The following B3GALT1 variants were observed in gnomAD, a reference collection of about 807,000 sequenced individuals.
B3GALT1 encodes UDP-Gal:betaGlcNAc beta 1,3-galactosyltransferase, polypeptide 1.
B3GALT1 carries 10 observed loss-of-function variants against 23.2 expected under a neutral mutation model. The ratio of observed to expected loss-of-function variants is 0.43; its 90% CI spans 0.27 to 0.73. B3GALT1 has a LOEUF of 0.73. Ranked by LOEUF, B3GALT1 falls within the 30% of genes least tolerant of loss-of-function variation. The pLI, the probability that B3GALT1 is intolerant of heterozygous loss-of-function variation, is 0.21. For synonymous variants in B3GALT1, 156 were observed against 141.5 expected (o/e 1.10, Z -0.73); for missense variants, 299 against 405.4 (o/e 0.74, Z 2.25).
chr2:167,448,565 T>G (rs1574083645), intron 1 of B3GALT1, among the ~76,000 whole-genome samples: 1 of 152,286 alleles, frequency 6.6e-6, no homozygotes, highest in East Asian at 1.9e-4. Flanking sequence ...CTGTGGTTTG[T>G]CTGTTTACTC....
intron 4 of B3GALT1, among the ~76,000 whole-genome samples, chr2:167,845,163 G>C (rs995991093): frequency 1.3e-5 from 2 of 152,046 alleles, no homozygotes; most frequent in Non-Finnish European, 2.9e-5. Context: ...TACCCACCCT[G>C]GTAGCTGAAG....
intron 3 of B3GALT1, among the ~76,000 whole-genome samples, chr2:167,698,737 G>T (rs1285727287): frequency 6.6e-6 from 1 of 152,164 alleles, no homozygotes; most frequent in East Asian, 1.9e-4. Flanking sequence ...AATGTTAGAG[G>T]ATGATTATGC....
At chr2:167,370,589 A>G (rs1219791038) in intron 1 of B3GALT1, among the ~76,000 whole-genome samples, 2 of 152,176 alleles carry the variant, frequency 1.3e-5, no homozygotes, top group Non-Finnish European at 2.9e-5. Flanking sequence ...ATGGAAAGAC[A>G]TTGAGATGGA....
intron 2 of B3GALT1, among the ~76,000 whole-genome samples, chr2:167,641,370 T>C (rs76856244): frequency 0.013 from 1,921 of 152,250 alleles, 21 homozygotes; most frequent in Non-Finnish European, 0.019. Flanking sequence ...ATCAACGTTA[T>C]CCATCTTCCT....
intron 3 of B3GALT1, among the ~76,000 whole-genome samples, chr2:167,658,560 C>G (rs1035719074): frequency 1.3e-5 from 2 of 152,046 alleles, no homozygotes. Flanking sequence ...ATGTTGGTAT[C>G]CTGAGATTAG....
chr2:167,599,069 A>G (rs1684830250), intron 2 of B3GALT1, among the ~76,000 whole-genome samples: 1 of 152,188 alleles, frequency 6.6e-6, no homozygotes, highest in South Asian at 2.1e-4. Flanking sequence ...AATTAGGCTC[A>G]GAGAGTGGTT....
At chr2:167,851,745 T>C (rs920882228) in intron 4 of B3GALT1, among the ~76,000 whole-genome samples, 1 of 152,222 alleles carries the variant, frequency 6.6e-6, no homozygotes, top group Non-Finnish European at 1.5e-5. Context: ...AGAAGATAAA[T>C]AATAATCCTG....
chr2:167,377,196 G>T (rs1163042898), intron 1 of B3GALT1, among the ~76,000 whole-genome samples: 1 of 152,264 alleles, frequency 6.6e-6, no homozygotes, highest in South Asian at 2.1e-4. Flanking sequence ...TGGACTGATA[G>T]TATGGTTGGT....
At chr2:167,748,739 T>C (rs984787994) in intron 3 of B3GALT1, among the ~76,000 whole-genome samples, 3 of 152,198 alleles carry the variant, frequency 2.0e-5, no homozygotes, top group Non-Finnish European at 2.9e-5. Flanking sequence ...ACAATGAATT[T>C]TAGTGTTTGA....
intron 2 of B3GALT1, among the ~76,000 whole-genome samples, chr2:167,512,614 ATATATACG>A (rs1700036891): frequency 2.2e-5 from 2 of 91,570 alleles, no homozygotes; most frequent in Non-Finnish European, 3.8e-5. Flanking sequence ...ATATGTATAT[ATATATACG>A]TGTATATATA....
chr2:167,715,738 C>T (rs188146165), intron 3 of B3GALT1: 4 of 1,613,118 alleles, frequency 2.5e-6, no homozygotes, highest in African/African-American at 2.7e-5. Context: ...CTAAAGATGA[C>T]TGTACTTCAT....
intron 1 of B3GALT1, among the ~76,000 whole-genome samples, chr2:167,419,548 T>C (rs979800818): frequency 2.0e-5 from 3 of 152,178 alleles, no homozygotes; most frequent in African/African-American, 7.2e-5. Context: ...TCATAGGAAC[T>C]TAGAAAATAT....
At chr2:167,731,462 C>T (rs1687408330) in intron 3 of B3GALT1, among the ~76,000 whole-genome samples, 2 of 152,174 alleles carry the variant, frequency 1.3e-5, no homozygotes, top group Admixed American at 6.5e-5. Flanking sequence ...TTCCTTCTTT[C>T]CTGTGTTTGA....
intron 4 of B3GALT1, among the ~76,000 whole-genome samples, chr2:167,825,439 T>G (rs1272889561): frequency 2.1e-5 from 3 of 144,420 alleles, no homozygotes; most frequent in African/African-American, 7.7e-5. Context: ...TATGCAGGGG[T>G]GTGTGTGTGT....
At chr2:167,789,054 G>A (rs760248296) in intron 3 of B3GALT1, among the ~76,000 whole-genome samples, 6 of 152,054 alleles carry the variant, frequency 3.9e-5, no homozygotes, top group Non-Finnish European at 7.4e-5. Context: ...CAGCTCCCTC[G>A]ATTTCTTTCA....
At chr2:167,732,673 G>A (rs1412828138) in intron 3 of B3GALT1, among the ~76,000 whole-genome samples, 1 of 152,172 alleles carries the variant, frequency 6.6e-6, no homozygotes, top group Non-Finnish European at 1.5e-5. Flanking sequence ...GGAAGTAAAT[G>A]TTTCCTCTGA....
At position 167,817,807 on chromosome 2, in the gene B3GALT1, C is replaced by T. The variant is rs1382795823; in HGVS notation, c.-351-865C>T. Among the ~76,000 whole-genome samples the T allele has an allele frequency of 2.6e-5, 4 of 152,178 alleles. No individual in the cohort carries two copies. In the South Asian group the frequency reaches 8.3e-4, roughly 32 times the overall value. Reference sequence around the variant, plus strand: ...GAACATTCCACTTTTTATTATGAAGCTTTGTATACATATATAGCTTGAGAC... The same window carrying T: ...GAACATTCCACTTTTTATTATGAAGTTTTGTATACATATATAGCTTGAGAC... On this transcript the variant is annotated intron_variant, in intron 3 of 4. Transcript: ENST00000392690.
At chr2:167,725,969 T>TA (rs1172175778) in intron 3 of B3GALT1, among the ~76,000 whole-genome samples, 32 of 152,202 alleles carry the variant, frequency 2.1e-4, no homozygotes, top group Non-Finnish European at 1.2e-4. Flanking sequence ...TATTTTAAAA[T>TA]ATTTATGGGA....
At chr2:167,756,518 T>C (rs1285746623) in intron 3 of B3GALT1, among the ~76,000 whole-genome samples, 1 of 152,224 alleles carries the variant, frequency 6.6e-6, no homozygotes, top group African/African-American at 2.4e-5. Context: ...AATACTGTTC[T>C]ATTATGATAT....
Sources: allele counts gnomAD v4.1 joint callset (sites outside exome capture counted in the v4.1 genomes callset), GRCh38; gene constraint gnomAD v4.1.1; transcripts MANE v1.5; gene names NCBI Gene and HGNC (gene_info 2026-07-23, HGNC 2026-07-21).